The following FKTN variants were observed in gnomAD, a reference collection of about 807,000 sequenced individuals.
The protein encoded by FKTN is ribitol-5-phosphate transferase FKTN.
FKTN carries 47 observed loss-of-function variants against 58.6 expected under a neutral mutation model. The observed-to-expected ratio is 0.80, with a 90% CI of 0.63 to 1.02. FKTN has a LOEUF of 1.02. FKTN is among the 50% of genes least tolerant of loss of function. The pLI is 0.00. For missense variants in FKTN, 516 were observed against 537.3 expected (o/e 0.96, Z 0.39); for synonymous variants, 178 against 191.9 (o/e 0.93, Z 0.60).
At chr9:105,591,775 C>G (rs1844921717) in intron 3 of FKTN, among the ~76,000 whole-genome samples, 1 of 152,240 alleles carries the variant, frequency 6.6e-6, no homozygotes, top group Non-Finnish European at 1.5e-5. Flanking sequence ...CCACACTATT[C>G]TAGTAGAGTT....
At chr9:105,599,652 C>T (rs1164408617) in intron 4 of FKTN, among the ~76,000 whole-genome samples, 2 of 151,746 alleles carry the variant, frequency 1.3e-5, no homozygotes, top group East Asian at 1.9e-4. Context: ...TACAGGCACA[C>T]ACCACCACGC....
intron 1 of FKTN, among the ~76,000 whole-genome samples, chr9:105,569,708 C>T (rs767127980): frequency 3.3e-5 from 5 of 152,088 alleles, no homozygotes; most frequent in African/African-American, 9.7e-5. Flanking sequence ...CGCAATATAC[C>T]ATAATTATAT....
chr9:105,581,016 A>G (rs576742841), intron 3 of FKTN, among the ~76,000 whole-genome samples: 1,533 of 141,286 alleles, frequency 0.011, 67 homozygotes, highest in African/African-American at 0.042. Context: ...TTTCAGCTCC[A>G]TCAGCTCCTT....
intron 3 of FKTN, among the ~76,000 whole-genome samples, chr9:105,590,127 T>C (rs1217570138): frequency 6.6e-6 from 1 of 152,158 alleles, no homozygotes; most frequent in Non-Finnish European, 1.5e-5. Context: ...TCTTTAATTG[T>C]AGCTCCCATA....
intron 10 of FKTN, among the ~76,000 whole-genome samples, chr9:105,625,835 G>A (rs981637873): frequency 8.7e-5 from 13 of 149,696 alleles, no homozygotes; most frequent in African/African-American, 2.2e-4. Context: ...CAGCACCCCA[G>A]TAAAAAAAAA....
At chr9:105,566,564 T>A (rs968608218) in intron 1 of FKTN, among the ~76,000 whole-genome samples, 1 of 152,052 alleles carries the variant, frequency 6.6e-6, no homozygotes, top group Non-Finnish European at 1.5e-5. Context: ...ATAAATTCCT[T>A]GACACACACA....
chr9:105,618,235 G>A, intron 9 of FKTN, 143 bp downstream of exon 9: 1 of 767,072 alleles, frequency 1.3e-6, no homozygotes, highest in Non-Finnish European at 2.3e-6. Flanking sequence ...GCAGAAGCCT[G>A]TTACCACTTG....
chr9:105,598,099 G>A (rs1053460274), intron 4 of FKTN: 1 of 467,632 alleles, frequency 2.1e-6, no homozygotes, highest in Non-Finnish European at 4.4e-6. Context: ...TGATCCTTGA[G>A]GTGGGAGAAA....
At chr9:105,587,315 G>T (rs1054288650) in intron 3 of FKTN, among the ~76,000 whole-genome samples, 4 of 152,108 alleles carry the variant, frequency 2.6e-5, no homozygotes, top group Admixed American at 1.3e-4. Context: ...AGGGAGGAGG[G>T]AGTTGAAAGG....
At chr9:105,560,606 A>G (rs1391242230) in intron 1 of FKTN, among the ~76,000 whole-genome samples, 1 of 152,160 alleles carries the variant, frequency 6.6e-6, no homozygotes, top group Non-Finnish European at 1.5e-5. Flanking sequence ...ACCATTATTA[A>G]TATTTTTGGG....
At chr9:105,623,652 T>C (rs1832332176) in intron 10 of FKTN, among the ~76,000 whole-genome samples, 1 of 152,126 alleles carries the variant, frequency 6.6e-6, no homozygotes, top group South Asian at 2.1e-4. Flanking sequence ...GTGGATCCTG[T>C]GTAATTTATC....
Position 105,574,729 on chromosome 9 carries a change from T to C in FKTN, c.-88-216T>C, listed in dbSNP as rs530897594. ...TCAGTTTTTATAAATATCCTATTTA[T>C]GTTTTCAGTTATTTACAGTTATAAA... On this transcript the variant is annotated intron_variant, in intron 2 of 10. Transcript: ENST00000357998. Among the ~76,000 whole-genome samples, 5 of 152,314 alleles carry C rather than the reference T, an allele frequency of 3.3e-5. No homozygotes were observed. The East Asian group carries it at 9.6e-4, about 29-fold the overall frequency.
chr9:105,615,741 G>A (rs937897038), intron 8 of FKTN, among the ~76,000 whole-genome samples: 57 of 151,728 alleles, frequency 3.8e-4, no homozygotes, highest in Admixed American at 1.4e-3. Context: ...TGAAATCTCC[G>A]ATAGTACTGA....
intron 3 of FKTN, among the ~76,000 whole-genome samples, chr9:105,578,564 C>T (rs1373203644): frequency 6.7e-5 from 10 of 150,104 alleles, no homozygotes; most frequent in South Asian, 4.3e-4. Context: ...CTGCTGGATT[C>T]GGTTTGCCAG....
intron 3 of FKTN, among the ~76,000 whole-genome samples, chr9:105,594,523 G>A (rs909208295): frequency 6.6e-6 from 1 of 152,172 alleles, no homozygotes. Flanking sequence ...TTTGGGAGGC[G>A]GAAGCAAGTG....
intron 3 of FKTN, among the ~76,000 whole-genome samples, chr9:105,589,567 C>T (rs777220499): frequency 5.9e-5 from 9 of 151,932 alleles, no homozygotes; most frequent in Non-Finnish European, 1.2e-4. Context: ...TAAAACTGGA[C>T]CCTCCAATGT....
rs537796514 is a variant in FKTN, at chr9:105,581,688, G to C, written c.105+6551G>C. Among the ~76,000 whole-genome samples, 22 of 152,338 alleles carry C rather than the reference G, an allele frequency of 1.4e-4. No homozygotes were observed. In the South Asian group the frequency reaches 4.3e-3, roughly 30 times the overall value. ...GGCAGGCCTCCTTGAACTGTGGTGG[G>C]CTCCATGCAGTTCGAGCTTCCCGGC... On this transcript the variant is annotated intron_variant, in intron 3 of 10. Transcript: ENST00000357998.
chr9:105,564,686 A>T (rs566216863), intron 1 of FKTN, among the ~76,000 whole-genome samples: 68 of 152,348 alleles, frequency 4.5e-4, no homozygotes, highest in African/African-American at 1.6e-3. Context: ...TGTACCTGAA[A>T]GTGACAGGGA....
chr9:105,615,251 A>G (rs781677077), intron 7 of FKTN, 27 bp from the exon 8 acceptor site: 1 of 1,612,288 alleles, frequency 6.2e-7, no homozygotes. Context: ...AATGGCTGTA[A>G]TAGCTGACTA....
Sources: allele counts gnomAD v4.1 joint callset (sites outside exome capture counted in the v4.1 genomes callset), GRCh38; gene constraint gnomAD v4.1.1; transcripts MANE v1.5; gene names NCBI Gene and HGNC (gene_info 2026-07-23, HGNC 2026-07-21).